THBS2: variants seen among roughly 807,000 people sequenced by gnomAD.
The protein encoded by THBS2 is thrombospondin-2.
A neutral mutation model predicts 135.2 loss-of-function variants in THBS2; 47 were observed. The ratio of observed to expected loss-of-function variants is 0.35; its 90% confidence interval spans 0.28 to 0.44. THBS2 has a LOEUF of 0.44. Ranked by LOEUF, THBS2 falls within the 20% of genes least tolerant of loss-of-function variation. THBS2 has a pLI of 1.00. For missense variants in THBS2, 1,288 were observed against 1,603.1 expected (o/e 0.80, Z 3.36); for synonymous variants, 639 against 633.8 (o/e 1.01, Z -0.12).
intron 9 of THBS2, among the ~76,000 whole-genome samples, chr6:169,236,341 A>G (rs905204285): frequency 4.3e-5 from 1 of 23,148 alleles, no homozygotes; most frequent in Non-Finnish European, 9.0e-5. Flanking sequence ...ATCCACACTC[A>G]CTCCCCATCC....
chr6:169,243,184 C>G (rs932792075), intron 4 of THBS2, among the ~76,000 whole-genome samples: 172 of 150,560 alleles, frequency 1.1e-3, no homozygotes, highest in African/African-American at 4.1e-3. Context: ...CCCACCTTCC[C>G]ACCTCTCCCA....
rs1198340268 is a variant in THBS2, at chr6:169,229,695, G to A, written c.2152-16C>T. ...GGCAGTTATCCTGCAATTGGAGAAG[G>A]AAGAATACTTGGAAAAACATTTAGG... is the stretch of plus-strand genomic sequence containing the variant. On this transcript the variant is annotated splice_polypyrimidine_tract_variant and intron_variant, in intron 13 of 21. Coordinates refer to ENST00000617924, the MANE Select transcript of THBS2 (RefSeq NM_003247.5). The A allele has an allele frequency of 6.3e-7, 1 of 1,596,432 alleles. No homozygotes were observed. The highest frequency in any genetic ancestry group is 8.6e-7 in the Non-Finnish European group (1 of 1,164,266).
intron 17 of THBS2, 25 bp from the exon 18 acceptor site, chr6:169,223,500 C>A: frequency 6.3e-7 from 1 of 1,598,222 alleles, no homozygotes; most frequent in African/African-American, 1.3e-5. Flanking sequence ...CAAGCAAAAA[C>A]AAAAACAAAA....
intron 17 of THBS2, among the ~76,000 whole-genome samples, 176 bp downstream of exon 17, chr6:169,224,969 G>A (rs79502920): frequency 0.034 from 5,253 of 152,314 alleles, 123 homozygotes; most frequent in South Asian, 0.087. Flanking sequence ...AGAATGTGTT[G>A]AGTGTCAGGG....
Position 169,221,477 on chromosome 6 carries a change from C to T in THBS2, c.3324G>A (p.Thr1108=), listed in dbSNP as rs549573482. The T allele has an allele frequency of 1.5e-5, 25 of 1,613,938 alleles. No individual in the cohort carries two copies. Among genetic ancestry groups the T allele is most frequent in the Admixed American group, 1.3e-4 (8 of 60,006 alleles). Residue 1108 remains threonine (T), a synonymous_variant, in exon 20 of 22, where the codon ACG becomes ACA. Transcript: ENST00000617924. Reference sequence around the variant, plus strand: ...TGTGAGTCAGGTGCCACCTATAGGCCGTGTAGTCCTTCCAGCCAATGTTCC... The same window carrying T: ...TGTGAGTCAGGTGCCACCTATAGGCTGTGTAGTCCTTCCAGCCAATGTTCC... ...DPRNIGWKDY[T]AYRWHLTHRP...
Position 169,239,697 on chromosome 6 carries a change from T to C in THBS2, c.1033-2A>G. The stretch of plus-strand genomic sequence containing the variant: ...TTGGTGGCAAATGGTTTTAAATTTC[T>C]ACAAGTGAAGAAAGGCATGCATGGA... On this transcript the variant is annotated splice_acceptor_variant, in intron 6 of 21. Transcript: ENST00000617924. LOFTEE classifies it high-confidence loss of function. The C allele has an allele frequency of 6.3e-7, 1 of 1,588,562 alleles. No individual in the cohort carries two copies. The highest frequency in any genetic ancestry group is 8.6e-7 in the Non-Finnish European group (1 of 1,167,026).
intron 14 of THBS2, 127 bp downstream of exon 14, chr6:169,229,445 C>T: frequency 1.4e-6 from 1 of 722,812 alleles, no homozygotes. Context: ...TTGGGAACTG[C>T]CTATGCACAA....
chr6:169,242,574 CTTCCCCCAA>C (rs1780349479), intron 4 of THBS2, among the ~76,000 whole-genome samples: 1 of 139,254 alleles, frequency 7.2e-6, no homozygotes, highest in African/African-American at 2.6e-5. Context: ...AACTTCCCAC[CTTCCCCCAA>C]ATTCCCACCT....
chr6:169,220,314 T>A lies in THBS2; in HGVS notation c.3395A>T (p.Gln1132Leu). The change falls in exon 21 of 22, where the codon CAG becomes CTG. Residue 1132 changes from glutamine (Q) to leucine (L), a missense_variant. By Grantham distance (113) the Gln-to-Leu change is moderately radical. Around this residue, in one of 2 missense-constraint regions of THBS2, gnomAD observed 874 missense variants for 1,156.1 expected, o/e 0.76. Transcript: ENST00000617924. ...GATAGGTCCTGAGTCTGCCATGACC[T>A]GTTTTCCTTCATGCACTAAGACTCT... ...YIRVLVHEGK[Q>L]VMADSGPIYD... is the part of the protein sequence containing the mutation. 1 of 1,612,850 alleles carries A rather than the reference T, an allele frequency of 6.2e-7. No homozygotes were observed. Among genetic ancestry groups the A allele is most frequent in the Non-Finnish European group, 8.5e-7 (1 of 1,179,466 alleles).
At position 169,248,637 on chromosome 6, in the gene THBS2, A is replaced by G. The variant is rs79497573; in HGVS notation, c.389T>C (p.Ile130Thr). 1.7e-4 allele frequency: 270 copies of G among 1,614,064 alleles called. No individual in the cohort carries two copies. The African/African-American group carries it at 2.7e-3, about 16-fold the overall frequency. The change falls in exon 3 of 22, where the codon ATT becomes ACT. Residue 130 changes from isoleucine (I) to threonine (T), a missense_variant. Ile to Thr is a moderately conservative substitution (Grantham distance 89). Coordinates refer to ENST00000617924, the MANE Select transcript of THBS2 (RefSeq NM_003247.5). ...PADTLDLTYW[I>T]DGTRHVVSLE... ...GGAGACCACATGCCGGGTGCCGTCA[A>G]TCCAGTAGGTGAGATCCAGCGTGTC... is the stretch of plus-strand genomic sequence containing the variant.
At position 169,229,554 on chromosome 6, in the gene THBS2, G is replaced by A. The variant is rs199952750; in HGVS notation, c.2259+18C>T. 5.3e-5 allele frequency: 85 copies of A among 1,607,920 alleles called. No individual in the cohort carries two copies. Among genetic ancestry groups the A allele is most frequent in the Non-Finnish European group, 6.3e-5 (74 of 1,174,554 alleles). On this transcript the variant is annotated intron_variant, in intron 14 of 21. Transcript: ENST00000617924. ...CTCCTGGAACCCAGGGCAGGTGCGC[G>A]GCACAAGCTGCTCCTACCTTCTCAT...
chr6:169,239,839 G>GT (rs1780229567), intron 6 of THBS2, 144 bp from the exon 7 acceptor site: 1 of 673,360 alleles, frequency 1.5e-6, no homozygotes, highest in African/African-American at 1.8e-5. Context: ...GAAAATAAGG[G>GT]CATCTTTTTC....
intron 3 of THBS2, among the ~76,000 whole-genome samples, chr6:169,247,467 A>ATGTGTG (rs1313076880): frequency 6.6e-6 from 1 of 151,910 alleles, no homozygotes; most frequent in Non-Finnish European, 1.5e-5. Flanking sequence ...GTGCATGTGT[A>ATGTGTG]TGTGTGTGTA....
At position 169,229,677 on chromosome 6, in the gene THBS2, A is replaced by G; in HGVS notation, c.2154T>C (p.Asp718=). ...CAGAATTTGGCAGATGGGGGCAGTTATCCTGCAATTGGAGAAGGAAGAATA... is the reference window on the plus strand; with the variant it reads ...CAGAATTTGGCAGATGGGGGCAGTTGTCCTGCAATTGGAGAAGGAAGAATA... ...ATNATYHCIK[D]NCPHLPNSGQ... The change falls in exon 14 of 22, where the codon GAT becomes GAC. Residue 718 remains aspartate, a splice_region_variant and synonymous_variant. Coordinates refer to ENST00000617924, the MANE Select transcript of THBS2 (RefSeq NM_003247.5). The G allele has an allele frequency of 6.2e-7, 1 of 1,613,032 alleles. No homozygotes were observed. Among genetic ancestry groups the G allele is most frequent in the Non-Finnish European group, 8.5e-7 (1 of 1,179,042 alleles).
At position 169,240,409 on chromosome 6, in the gene THBS2, G is replaced by T. The variant is rs763744415; in HGVS notation, c.1032+43C>A. ...GGCAGTCAGGTTCTGCCAAGTGTCCGATGGTGGCCTCTTCCCCCAAGAGCC... is the reference window on the plus strand; with the variant it reads ...GGCAGTCAGGTTCTGCCAAGTGTCCTATGGTGGCCTCTTCCCCCAAGAGCC... On this transcript the variant is annotated intron_variant, in intron 6 of 21. Coordinates refer to ENST00000617924, the MANE Select transcript of THBS2 (RefSeq NM_003247.5). 3 of 1,604,572 alleles carry T rather than the reference G, an allele frequency of 1.9e-6. No homozygotes were observed. In the East Asian group the frequency reaches 6.7e-5, roughly 36 times the overall value.
Position 169,222,369 on chromosome 6 carries a change from C to T in THBS2, c.3101G>A (p.Ser1034Asn), listed in dbSNP as rs777940757. ...CCACATCACCACATAGAAGCGGCTG[C>T]TTGACTGGTAACCAAAGACGAAGCC... Reference protein sequence around the residue: ...YAGFVFGYQSSSRFYVVMWKQ... With the variant: ...YAGFVFGYQSNSRFYVVMWKQ... The change falls in exon 19 of 22, where the codon AGC (serine) becomes AAC (asparagine). Residue 1034 changes from serine to asparagine, a missense_variant. Ser to Asn is a conservative substitution (Grantham distance 46, BLOSUM62 1). Coordinates refer to ENST00000617924, the MANE Select transcript of THBS2 (RefSeq NM_003247.5). 8 of 1,613,594 alleles carry T rather than the reference C, an allele frequency of 5.0e-6. No individual in the cohort carries two copies. In the Admixed American group the frequency reaches 5.0e-5, roughly 10 times the overall value.
At chr6:169,246,069 A>G in intron 4 of THBS2, 128 bp downstream of exon 4, 1 of 644,540 alleles carries the variant, frequency 1.6e-6, no homozygotes, top group African/African-American at 1.8e-5. Context: ...AGTGGTAGTT[A>G]CCCAAATATT....
chr6:169,220,400 C>A (rs1257883928), intron 20 of THBS2, 63 bp from the exon 21 acceptor site: 1 of 1,557,220 alleles, frequency 6.4e-7, no homozygotes. Context: ...GTGAAGCATT[C>A]ACCAGTGATG....
intron 2 of THBS2, among the ~76,000 whole-genome samples, chr6:169,250,162 T>G (rs1470691157): frequency 6.6e-6 from 1 of 152,232 alleles, no homozygotes; most frequent in African/African-American, 2.4e-5. Flanking sequence ...CCACTTTCCA[T>G]AGAGTTACTT....
Sources: allele counts gnomAD v4.1 joint callset (sites outside exome capture counted in the v4.1 genomes callset), GRCh38; gene constraint gnomAD v4.1.1; regional missense constraint gnomAD v4.1.1; transcripts MANE v1.5; gene names NCBI Gene and HGNC (gene_info 2026-07-23, HGNC 2026-07-21).